Variants in GRID1 observed in about 807,000 individuals in gnomAD.
The protein encoded by GRID1 is glutamate ionotropic receptor delta type subunit 1.
A neutral mutation model predicts 98.0 loss-of-function variants in GRID1; 28 were observed. The ratio of observed to expected loss-of-function variants is 0.29; its 90% confidence interval spans 0.21 to 0.39. The LOEUF is 0.39. Among genes scored for constraint, GRID1 ranks in the 10% least tolerant of loss-of-function variants. The pLI, the probability that GRID1 is intolerant of heterozygous loss-of-function variation, is 1.00. For synonymous variants in GRID1, 553 were observed against 538.5 expected, an observed-to-expected ratio of 1.03 and a Z score of -0.37; for missense variants, 1,111 against 1,340.5, an observed-to-expected ratio of 0.83 and a Z score of 2.67.
intron 12 of GRID1, among the ~76,000 whole-genome samples, chr10:85,678,702 C>T (rs1841172568): frequency 6.6e-6 from 1 of 152,138 alleles, no homozygotes; most frequent in African/African-American, 2.4e-5. Context: ...TAAGGTCCAC[C>T]TCATCCTAAA....
chr10:86,109,386 C>T (rs1028967177), intron 4 of GRID1, among the ~76,000 whole-genome samples: 2 of 152,222 alleles, frequency 1.3e-5, no homozygotes, highest in Non-Finnish European at 2.9e-5. Flanking sequence ...GTCTTGAGCC[C>T]CCAACACAAG....
chr10:85,697,393 G>C (rs1476808412), intron 12 of GRID1, among the ~76,000 whole-genome samples: 1 of 152,006 alleles, frequency 6.6e-6, no homozygotes, highest in Non-Finnish European at 1.5e-5. Context: ...AATACTCTAT[G>C]GCATAAAGTC....
At chr10:86,136,298 C>T (rs974639085) in intron 4 of GRID1, among the ~76,000 whole-genome samples, 1 of 152,212 alleles carries the variant, frequency 6.6e-6, no homozygotes, top group South Asian at 2.1e-4. Flanking sequence ...CGTTAAAATG[C>T]TTTGCGTATA....
intron 8 of GRID1, among the ~76,000 whole-genome samples, chr10:85,799,598 G>A (rs897448747): frequency 3.3e-5 from 5 of 151,976 alleles, no homozygotes; most frequent in Admixed American, 6.6e-5. Context: ...AGGACATTAC[G>A]TTAACCCAAA....
At chr10:86,050,314 T>C (rs1186157156) in intron 4 of GRID1, among the ~76,000 whole-genome samples, 1 of 152,264 alleles carries the variant, frequency 6.6e-6, no homozygotes, top group African/African-American at 2.4e-5. Flanking sequence ...TATGTGTGTG[T>C]ATATATGTAG....
chr10:86,031,819 C>T (rs1224085577), intron 4 of GRID1, among the ~76,000 whole-genome samples: 1 of 152,196 alleles, frequency 6.6e-6, no homozygotes, highest in Non-Finnish European at 1.5e-5. Flanking sequence ...CCACAAAGCC[C>T]TACCTGACCT....
At chr10:85,851,299 GC>G (rs1843056332) in intron 8 of GRID1, among the ~76,000 whole-genome samples, 1 of 152,152 alleles carries the variant, frequency 6.6e-6, no homozygotes, top group South Asian at 2.1e-4. Context: ...GCAGACCCAT[GC>G]CAGACAGCTC....
intron 2 of GRID1, among the ~76,000 whole-genome samples, chr10:86,334,849 C>T (rs1203026199): frequency 6.6e-6 from 1 of 152,214 alleles, no homozygotes; most frequent in Non-Finnish European, 1.5e-5. Flanking sequence ...ACTTCCAGAA[C>T]ACAGGCCTGT....
rs1461840677 is a variant in GRID1 at position 85,600,569 on chromosome 10, CCT to C, written c.*1702_*1703del. 3 of 152,260 alleles carry C rather than the reference CCT, an allele frequency of 2.0e-5. No individual in the cohort carries two copies. The highest frequency in any genetic ancestry group is 7.2e-5 in the African/African-American group (3 of 41,458). The allele number at this position is 152,260 out of a possible 1,614,324, so 9.4% of individuals were successfully genotyped here. A position where few individuals can be genotyped will look rare whatever the true frequency, so the allele number is the denominator to read the frequency against. On this transcript the variant is annotated 3_prime_UTR_variant, in exon 16 of 16. Transcript: ENST00000327946. ...GATCACAGAACCAGGCTCTCAGCTC[CCT>C]GATTACTGCTGGCTGTGGGAGCTCC...
At chr10:85,634,998 GAAAAAAAAAAAAAAAAAAAA>G (rs140144576) in intron 13 of GRID1, among the ~76,000 whole-genome samples, 20 of 35,010 alleles carry the variant, frequency 5.7e-4, no homozygotes, top group Middle Eastern at 0.015. Flanking sequence ...GAGGAAATCT[GAAAAAAAAAAAAAAAAAAAA>G]AAAAAAAAAA....
At chr10:85,903,277 T>G (rs1263675456) in intron 5 of GRID1, among the ~76,000 whole-genome samples, 2 of 152,212 alleles carry the variant, frequency 1.3e-5, no homozygotes, top group Non-Finnish European at 2.9e-5. Context: ...ATGTCTTCTC[T>G]TTTCAGTTCC....
At chr10:86,012,548 A>G (rs761984859) in intron 4 of GRID1, among the ~76,000 whole-genome samples, 2 of 152,134 alleles carry the variant, frequency 1.3e-5, no homozygotes, top group Non-Finnish European at 2.9e-5. Flanking sequence ...GCTTTCCCTA[A>G]AGGGACCTGA....
intron 2 of GRID1, among the ~76,000 whole-genome samples, chr10:86,250,609 GCCC>G (rs1333334763): frequency 2.2e-5 from 3 of 136,766 alleles, no homozygotes; most frequent in Non-Finnish European, 5.0e-5. Flanking sequence ...GTGGGGGGCA[GCCC>G]CCGCCTGGCC....
At chr10:86,083,865 G>A (rs1043457695) in intron 4 of GRID1, among the ~76,000 whole-genome samples, 9 of 152,200 alleles carry the variant, frequency 5.9e-5, no homozygotes, top group African/African-American at 9.7e-5. Flanking sequence ...TTGTACTTGC[G>A]TGTTTTCAGC....
intron 3 of GRID1, among the ~76,000 whole-genome samples, chr10:86,163,769 A>T (rs1436900991): frequency 6.6e-6 from 1 of 152,196 alleles, no homozygotes; most frequent in Non-Finnish European, 1.5e-5. Context: ...ACTCGGTGGC[A>T]GGGATGGTGG....
chr10:85,753,676 C>T (rs1457408252), intron 8 of GRID1, among the ~76,000 whole-genome samples: 2 of 152,204 alleles, frequency 1.3e-5, no homozygotes, highest in Non-Finnish European at 2.9e-5. Context: ...CACTTAAGCA[C>T]TTTTATAGCC....
At chr10:85,746,686 T>C (rs1310774904) in intron 8 of GRID1, among the ~76,000 whole-genome samples, 1 of 152,064 alleles carries the variant, frequency 6.6e-6, no homozygotes, top group African/African-American at 2.4e-5. Flanking sequence ...TTTCAGTAAC[T>C]CCCACCAAGG....
intron 8 of GRID1, among the ~76,000 whole-genome samples, chr10:85,744,277 A>G (rs1361331174): frequency 6.6e-6 from 1 of 152,216 alleles, no homozygotes; most frequent in Non-Finnish European, 1.5e-5. Flanking sequence ...CCTGTTTGGG[A>G]ATTCAAGCTA....
At chr10:86,022,905 G>A (rs1192011921) in intron 4 of GRID1, among the ~76,000 whole-genome samples, 12 of 147,776 alleles carry the variant, frequency 8.1e-5, no homozygotes, top group Admixed American at 5.4e-4. Flanking sequence ...GTGACAGAGC[G>A]AGACTCCATC....
Sources: allele counts gnomAD v4.1 joint callset (sites outside exome capture counted in the v4.1 genomes callset), GRCh38; gene constraint gnomAD v4.1.1; transcripts MANE v1.5; gene names NCBI Gene and HGNC (gene_info 2026-07-23, HGNC 2026-07-21).